CSMD1: variants seen among roughly 807,000 people sequenced by gnomAD.
CSMD1 encodes CUB and sushi domain-containing protein 1.
In CSMD1, 213 loss-of-function variants were observed where a neutral mutation model predicts 417.5. The observed-to-expected ratio is 0.51, with a 90% CI of 0.46 to 0.57. CSMD1 has a LOEUF of 0.57. Ranked by LOEUF, CSMD1 falls within the 20% of genes least tolerant of loss-of-function variation. The pLI is 0.00. For missense variants in CSMD1, 6,923 were observed against 4,529.7 expected, an observed-to-expected ratio of 1.53 and a Z score of -15.17; for synonymous variants, 2,862 against 1,736.8, an observed-to-expected ratio of 1.65 and a Z score of -16.11.
At chr8:4,109,274 G>T (rs911431354) in intron 3 of CSMD1, among the ~76,000 whole-genome samples, 2 of 152,156 alleles carry the variant, frequency 1.3e-5, no homozygotes, top group Admixed American at 1.3e-4. Context: ...GTTGTTTGCA[G>T]AACACACAGA....
At chr8:4,705,791 C>A (rs1807898518) in intron 1 of CSMD1, among the ~76,000 whole-genome samples, 1 of 152,136 alleles carries the variant, frequency 6.6e-6, no homozygotes, top group African/African-American at 2.4e-5. Flanking sequence ...TTCTATCTTA[C>A]AGAGTGTCTA....
At chr8:4,178,121 C>A (rs1200224697) in intron 3 of CSMD1, among the ~76,000 whole-genome samples, 1 of 152,108 alleles carries the variant, frequency 6.6e-6, no homozygotes, top group African/African-American at 2.4e-5. Flanking sequence ...GGCAGAGACA[C>A]AACCAAAAAA....
intron 3 of CSMD1, among the ~76,000 whole-genome samples, chr8:4,177,832 G>A (rs1344371033): frequency 6.6e-6 from 1 of 151,502 alleles, no homozygotes; most frequent in Non-Finnish European, 1.5e-5. Flanking sequence ...AAATCTATAA[G>A]AAATGGATAA....
chr8:4,271,363 C>G (rs1466239171), intron 3 of CSMD1, among the ~76,000 whole-genome samples: 1 of 151,992 alleles, frequency 6.6e-6, no homozygotes, highest in Non-Finnish European at 1.5e-5. Context: ...TGGAAAATGT[C>G]AAAATAAATA....
At chr8:3,262,649 G>C (rs1343635613) in intron 26 of CSMD1, among the ~76,000 whole-genome samples, 1 of 152,062 alleles carries the variant, frequency 6.6e-6, no homozygotes, top group Non-Finnish European at 1.5e-5. Context: ...TAGAGGTATA[G>C]ACAGAATAAG....
At chr8:3,100,846 G>A (rs578260432) in intron 46 of CSMD1, among the ~76,000 whole-genome samples, 27 of 152,208 alleles carry the variant, frequency 1.8e-4, no homozygotes, top group African/African-American at 6.5e-4. Flanking sequence ...AGCACCTATA[G>A]GTATGACAGA....
chr8:4,851,053 C>G (rs1801446901), intron 1 of CSMD1, among the ~76,000 whole-genome samples: 1 of 151,990 alleles, frequency 6.6e-6, no homozygotes, highest in Non-Finnish European at 1.5e-5. Context: ...CACCCATTAA[C>G]ACATCATTTA....
intron 5 of CSMD1, among the ~76,000 whole-genome samples, chr8:3,948,680 G>C (rs996037229): frequency 6.6e-6 from 1 of 152,078 alleles, no homozygotes; most frequent in Non-Finnish European, 1.5e-5. Context: ...AAGGACCAAT[G>C]AGTTCTATTC....
At chr8:4,698,032 T>G (rs894636754) in intron 1 of CSMD1, among the ~76,000 whole-genome samples, 10 of 152,088 alleles carry the variant, frequency 6.6e-5, no homozygotes, top group African/African-American at 2.4e-4. Context: ...AGAAATAAGA[T>G]TATATAATTG....
chr8:4,905,548 A>G (rs1337617108), intron 1 of CSMD1, among the ~76,000 whole-genome samples: 2 of 152,142 alleles, frequency 1.3e-5, no homozygotes, highest in Non-Finnish European at 2.9e-5. Context: ...GGTCAGACAC[A>G]GTGGCTCACA....
chr8:4,409,542 G>A (rs918433136), intron 3 of CSMD1, among the ~76,000 whole-genome samples: 1 of 151,698 alleles, frequency 6.6e-6, no homozygotes, highest in South Asian at 2.1e-4. Context: ...GCAGCTCATT[G>A]TTAATTCAGA....
At chr8:3,809,593 C>G (rs573773677) in intron 5 of CSMD1, among the ~76,000 whole-genome samples, 2 of 151,834 alleles carry the variant, frequency 1.3e-5, no homozygotes, top group Non-Finnish European at 2.9e-5. Context: ...GATAGTTGGC[C>G]CCACCTGCAG....
At chr8:4,533,678 A>G (rs1482106718) in intron 2 of CSMD1, among the ~76,000 whole-genome samples, 2 of 152,172 alleles carry the variant, frequency 1.3e-5, no homozygotes, top group Non-Finnish European at 2.9e-5. Context: ...AAGATTTTTA[A>G]AAACATCATC....
chr8:4,402,529 G>T (rs771703564), intron 3 of CSMD1, among the ~76,000 whole-genome samples: 7 of 152,106 alleles, frequency 4.6e-5, no homozygotes, highest in Non-Finnish European at 1.0e-4. Context: ...CCAAAATTAT[G>T]CTCAATTCTC....
chr8:3,558,255 CCT>C (rs1271266108), intron 10 of CSMD1, among the ~76,000 whole-genome samples: 9 of 150,190 alleles, frequency 6.0e-5, no homozygotes, highest in Non-Finnish European at 1.0e-4. Context: ...TCAATAGTAC[CCT>C]GTGTCCACTC....
intron 2 of CSMD1, among the ~76,000 whole-genome samples, chr8:4,629,025 A>T (rs1418726487): frequency 1.3e-5 from 2 of 152,188 alleles, no homozygotes; most frequent in Non-Finnish European, 1.5e-5. Context: ...GGTAATTTGT[A>T]TTGTAGAGCT....
chr8:4,120,927 C>T (rs1361844991), intron 3 of CSMD1, among the ~76,000 whole-genome samples: 1 of 151,958 alleles, frequency 6.6e-6, no homozygotes, highest in African/African-American at 2.4e-5. Flanking sequence ...TCCTATGTGC[C>T]TGAAAATGTG....
intron 2 of CSMD1, among the ~76,000 whole-genome samples, chr8:4,507,819 T>C (rs941742625): frequency 6.6e-6 from 1 of 152,172 alleles, no homozygotes; most frequent in Non-Finnish European, 1.5e-5. Context: ...TCTGCTTGTA[T>C]GACCAAAAGG....
chr8:3,095,871 T>C (rs188114280), intron 47 of CSMD1, among the ~76,000 whole-genome samples: 2 of 152,174 alleles, frequency 1.3e-5, no homozygotes, highest in African/African-American at 2.4e-5. Context: ...AAAATTTTCA[T>C]TGAAATTGCA....
Sources: gnomAD v4.1 joint callset for allele counts (sites outside exome capture counted in the v4.1 genomes callset) on GRCh38, gnomAD v4.1.1 for gene constraint, MANE v1.5 for transcripts, NCBI Gene and HGNC (gene_info 2026-07-23, HGNC 2026-07-21) for gene names.